Variants in SUMF1 observed in about 807,000 individuals in gnomAD.
SUMF1 encodes the protein formylglycine-generating enzyme.
Under a neutral mutation model 47.6 loss-of-function variants are expected in SUMF1, and 48 were observed. That is an observed-to-expected ratio of 1.01 (90% CI 0.80 to 1.28). SUMF1 has a LOEUF of 1.28. Ranked by LOEUF, SUMF1 falls within the 50% of genes most tolerant of loss-of-function variation. SUMF1 has a pLI of 0.00. For synonymous variants in SUMF1, 230 were observed against 192.1 expected (o/e 1.20, Z -1.63); for missense variants, 571 against 485.4 (o/e 1.18, Z -1.66).
intron 4 of SUMF1, among the ~76,000 whole-genome samples, chr3:4,419,489 C>T (rs1309098561): frequency 6.6e-6 from 1 of 152,206 alleles, no homozygotes; most frequent in Non-Finnish European, 1.5e-5. Flanking sequence ...CTTGCTCAAT[C>T]TCCAGGGTTT....
At chr3:4,338,917 G>A (rs185231568) in intron 8 of SUMF1, among the ~76,000 whole-genome samples, 11 of 152,206 alleles carry the variant, frequency 7.2e-5, no homozygotes, top group African/African-American at 1.9e-4. Context: ...AGATCCTGGC[G>A]GACTGGGACC....
intron 7 of SUMF1, among the ~76,000 whole-genome samples, chr3:4,410,121 C>A (rs775596877): frequency 3.3e-5 from 5 of 152,186 alleles, no homozygotes; most frequent in African/African-American, 1.2e-4. Context: ...TTCTCCCCCC[C>A]AATCTGTTCA....
At chr3:4,303,600 G>A in intron 8 of SUMF1, 1 of 1,375,368 alleles carries the variant, frequency 7.3e-7, no homozygotes, top group Non-Finnish European at 9.4e-7. Flanking sequence ...CCGCCTCGCT[G>A]GGACGGCCTC....
At chr3:4,110,677 G>A (rs1195894056) in intron 8 of SUMF1, among the ~76,000 whole-genome samples, 1 of 151,944 alleles carries the variant, frequency 6.6e-6, no homozygotes, top group Non-Finnish European at 1.5e-5. Flanking sequence ...AAAAGGATGA[G>A]TTCATGTCCT....
At chr3:4,206,968 G>A in intron 8 of SUMF1, among the ~76,000 whole-genome samples, 1 of 151,640 alleles carries the variant, frequency 6.6e-6, no homozygotes, top group East Asian at 1.9e-4. Flanking sequence ...ACTAAACTAA[G>A]TCTTCTAATC....
chr3:4,133,579 C>T (rs1053865739), intron 8 of SUMF1, among the ~76,000 whole-genome samples: 36 of 152,046 alleles, frequency 2.4e-4, no homozygotes, highest in East Asian at 1.9e-4. Flanking sequence ...TAATCAGTTG[C>T]CTGTGCAGCT....
At chr3:4,121,374 T>C (rs1693536696) in intron 8 of SUMF1, among the ~76,000 whole-genome samples, 1 of 152,190 alleles carries the variant, frequency 6.6e-6, no homozygotes, top group Non-Finnish European at 1.5e-5. Context: ...CCACGCATTA[T>C]TCTTGGATCT....
At chr3:4,256,602 G>T (rs867140856) in intron 8 of SUMF1, among the ~76,000 whole-genome samples, 4 of 149,884 alleles carry the variant, frequency 2.7e-5, no homozygotes, top group East Asian at 2.0e-4. Context: ...AATAACAGGA[G>T]CTGAAATTGT....
chr3:4,106,968 A>T (rs528503470), intron 8 of SUMF1, among the ~76,000 whole-genome samples: 1 of 152,228 alleles, frequency 6.6e-6, no homozygotes, highest in South Asian at 2.1e-4. Flanking sequence ...GAGAAAAAAA[A>T]TTCAGATATT....
chr3:4,129,002 C>A (rs934428416), intron 8 of SUMF1, among the ~76,000 whole-genome samples: 1 of 152,086 alleles, frequency 6.6e-6, no homozygotes, highest in Admixed American at 6.5e-5. Context: ...AGGAAAGGAT[C>A]CAAAGGCTTA....
chr3:4,228,646 C>G (rs189848524), intron 8 of SUMF1, among the ~76,000 whole-genome samples: 34 of 152,278 alleles, frequency 2.2e-4, no homozygotes, highest in Admixed American at 1.6e-3. Flanking sequence ...AACACCTGCT[C>G]TCTTTAAATA....
intron 7 of SUMF1, among the ~76,000 whole-genome samples, chr3:4,377,374 C>T (rs574747809): frequency 6.6e-6 from 1 of 151,978 alleles, no homozygotes; most frequent in African/African-American, 2.4e-5. Context: ...GAACCAGGCA[C>T]AGTTTGAGCA....
chr3:4,118,622 A>G (rs1180184768), intron 8 of SUMF1, among the ~76,000 whole-genome samples: 3 of 152,136 alleles, frequency 2.0e-5, no homozygotes, highest in Non-Finnish European at 4.4e-5. Flanking sequence ...CTCATTAAAC[A>G]CACCATAGTA....
At chr3:4,182,464 G>T (rs1695116495) in intron 8 of SUMF1, among the ~76,000 whole-genome samples, 1 of 149,284 alleles carries the variant, frequency 6.7e-6, no homozygotes, top group Non-Finnish European at 1.5e-5. Context: ...TTCCCCCTTT[G>T]CCTTAAGGAA....
chr3:4,065,371 G>GTT lies in SUMF1; in HGVS notation c.1191+3196_1191+3197dup, dbSNP rs746038950. Reference sequence around the variant, plus strand: ...CTAGAGCCTGAAGAAGATGTACAAAGTTTTTAATTCAATGAGATTTGCATG... The same window carrying GTT: ...CTAGAGCCTGAAGAAGATGTACAAAGTTTTTTTAATTCAATGAGATTTGCATG... On this transcript the variant is annotated intron_variant and NMD_transcript_variant, in intron 9 of 12. Coordinates refer to the SUMF1 transcript ENST00000448413. Among the ~76,000 whole-genome samples, 177 of 152,184 alleles carry GTT rather than the reference G, an allele frequency of 1.2e-3. 3 individuals carry two copies. Among genetic ancestry groups the GTT allele is most frequent in the Non-Finnish European group, 2.5e-3 (170 of 67,996 alleles).
intron 8 of SUMF1, among the ~76,000 whole-genome samples, chr3:4,194,481 G>A (rs1437805506): frequency 6.6e-6 from 1 of 152,152 alleles, no homozygotes; most frequent in Non-Finnish European, 1.5e-5. Flanking sequence ...GCAGGAGCCT[G>A]GAGAAAAGCC....
intron 8 of SUMF1, chr3:4,313,436 T>G: frequency 6.2e-7 from 1 of 1,614,076 alleles, no homozygotes; most frequent in Admixed American, 1.7e-5. Flanking sequence ...AACCTTTTGA[T>G]GATTCCTGTC....
chr3:4,462,033 C>A (rs73807251), intron 1 of SUMF1, among the ~76,000 whole-genome samples: 88 of 152,296 alleles, frequency 5.8e-4, no homozygotes, highest in African/African-American at 2.0e-3. Context: ...AATAACAGAA[C>A]CATATGTGGG....
At chr3:4,142,898 C>T (rs1694103692) in intron 8 of SUMF1, among the ~76,000 whole-genome samples, 1 of 151,940 alleles carries the variant, frequency 6.6e-6, no homozygotes, top group Admixed American at 6.6e-5. Flanking sequence ...AAAGGATCCA[C>T]AATCCCAAAA....
Sources: allele counts gnomAD v4.1 joint callset (sites outside exome capture counted in the v4.1 genomes callset), GRCh38; gene constraint gnomAD v4.1.1; transcripts MANE v1.5; gene names NCBI Gene and HGNC (gene_info 2026-07-23, HGNC 2026-07-21).